Variants in CACNG3 observed in about 807,000 individuals in gnomAD.
CACNG3 encodes the protein calcium voltage-gated channel auxiliary subunit gamma 3.
In CACNG3, 3 loss-of-function variants were observed where a neutral mutation model predicts 28.5. The observed-to-expected ratio is 0.11, with a 90% CI of 0.05 to 0.27. CACNG3 has a LOEUF of 0.27. Ranked by LOEUF, CACNG3 falls within the 10% of genes least tolerant of loss-of-function variation. The pLI is 1.00. For missense variants in CACNG3, 236 were observed against 414.4 expected (o/e 0.57, Z 3.74); for synonymous variants, 174 against 162.2 (o/e 1.07, Z -0.55).
intron 1 of CACNG3, among the ~76,000 whole-genome samples, chr16:24,288,958 C>T (rs543342521): frequency 2.6e-5 from 4 of 152,234 alleles, no homozygotes; most frequent in Admixed American, 2.6e-4. Flanking sequence ...TGACTTTTTC[C>T]ATCATGCGGC....
chr16:24,270,479 G>A (rs921639525), intron 1 of CACNG3, among the ~76,000 whole-genome samples: 8 of 152,346 alleles, frequency 5.3e-5, no homozygotes, highest in African/African-American at 1.9e-4. Context: ...CAAATCAAGA[G>A]GCAATGATGT....
chr16:24,346,851 G>A (rs1470117263), intron 2 of CACNG3, 34 bp downstream of exon 2: 5 of 1,519,360 alleles, frequency 3.3e-6, no homozygotes, highest in Non-Finnish European at 4.6e-6. Context: ...CTCTCTGGGA[G>A]GAAGGGATGG....
intron 1 of CACNG3, among the ~76,000 whole-genome samples, chr16:24,293,600 C>G (rs558696080): frequency 6.6e-6 from 1 of 152,060 alleles, no homozygotes; most frequent in Non-Finnish European, 1.5e-5. Flanking sequence ...CAATAGAACC[C>G]GCCCTCATTT....
intron 1 of CACNG3, among the ~76,000 whole-genome samples, chr16:24,261,136 G>A (rs1898531913): frequency 6.6e-6 from 1 of 152,156 alleles, no homozygotes; most frequent in Admixed American, 6.5e-5. Context: ...TAAGATTAGA[G>A]TAACAAATCC....
At chr16:24,313,898 C>T (rs888302191) in intron 1 of CACNG3, among the ~76,000 whole-genome samples, 2 of 152,074 alleles carry the variant, frequency 1.3e-5, no homozygotes, top group Non-Finnish European at 2.9e-5. Flanking sequence ...GTGCGCACCA[C>T]CACACCTGGC....
At chr16:24,313,895 C>A (rs1899311447) in intron 1 of CACNG3, among the ~76,000 whole-genome samples, 1 of 151,990 alleles carries the variant, frequency 6.6e-6, no homozygotes, top group Non-Finnish European at 1.5e-5. Context: ...CAGGTGCGCA[C>A]CACCACACCT....
At position 24,256,715 on chromosome 16, in the gene CACNG3, C is replaced by T. The variant is rs1307619737; in HGVS notation, c.-40C>T. 9 of 1,391,990 alleles carry T rather than the reference C, an allele frequency of 6.5e-6. No individual in the cohort carries two copies. Among genetic ancestry groups the T allele is most frequent in the Middle Eastern group, 2.1e-4 (1 of 4,750 alleles). The allele number at this position is 1,391,990 out of a possible 1,614,324, so 86.2% of individuals were successfully genotyped here. ...ATTTTCCCCTCCGGCACTGACTCTCCCCCTCCAACCCCCAGCCGTCCAGAG... is the reference window on the plus strand; with the variant it reads ...ATTTTCCCCTCCGGCACTGACTCTCTCCCTCCAACCCCCAGCCGTCCAGAG... On this transcript the variant is annotated 5_prime_UTR_variant, in exon 1 of 4. Transcript: ENST00000005284. This position sits in a 1 kb window ranked among gnomAD's most constrained non-coding sequence, Gnocchi z 4.6.
chr16:24,296,654 C>T (rs909196777), intron 1 of CACNG3, among the ~76,000 whole-genome samples: 7 of 152,172 alleles, frequency 4.6e-5, no homozygotes, highest in African/African-American at 1.7e-4. Flanking sequence ...CCTCTTCATT[C>T]TTTGATATAC....
At chr16:24,322,737 G>A (rs753663530) in intron 1 of CACNG3, among the ~76,000 whole-genome samples, 1 of 152,066 alleles carries the variant, frequency 6.6e-6, no homozygotes, top group Non-Finnish European at 1.5e-5. Context: ...CATTCCGTGT[G>A]CATATTGAGA....
intron 1 of CACNG3, among the ~76,000 whole-genome samples, chr16:24,279,779 G>A (rs1380378531): frequency 2.0e-5 from 3 of 152,158 alleles, no homozygotes; most frequent in Non-Finnish European, 2.9e-5. Flanking sequence ...TGAGCTCAAG[G>A]CACATCTAGG....
intron 1 of CACNG3, among the ~76,000 whole-genome samples, chr16:24,309,620 G>A (rs1859201): frequency 0.68 from 103,011 of 151,886 alleles, 35,197 homozygotes; most frequent in African/African-American, 0.76. Context: ...GGGATTTGGT[G>A]GAAACAGTGC....
intron 1 of CACNG3, among the ~76,000 whole-genome samples, chr16:24,327,126 C>CAAAAAAAAAA (rs57918697): frequency 1.7e-4 from 6 of 35,830 alleles, no homozygotes; most frequent in Admixed American, 5.8e-4. Flanking sequence ...GGCTCCAAAC[C>CAAAAAAAAAA]AAAAAAAAAA....
chr16:24,354,472 G>A (rs1361499864), intron 2 of CACNG3, among the ~76,000 whole-genome samples: 1 of 152,164 alleles, frequency 6.6e-6, no homozygotes, highest in East Asian at 1.9e-4. Context: ...TTTCCAGGGA[G>A]GCAGGGAGGT....
At chr16:24,282,439 G>C (rs1898842482) in intron 1 of CACNG3, among the ~76,000 whole-genome samples, 1 of 151,518 alleles carries the variant, frequency 6.6e-6, no homozygotes, top group Non-Finnish European at 1.5e-5. Context: ...CTTACACTCG[G>C]ATAATTTGTG....
At chr16:24,335,913 A>G (rs960625028) in intron 1 of CACNG3, among the ~76,000 whole-genome samples, 5 of 117,544 alleles carry the variant, frequency 4.3e-5, no homozygotes, top group Non-Finnish European at 8.8e-5. Flanking sequence ...TGTCTCTACT[A>G]AAAATACCAA....
chr16:24,334,838 G>A (rs1899680056), intron 1 of CACNG3, among the ~76,000 whole-genome samples: 1 of 152,130 alleles, frequency 6.6e-6, no homozygotes. Flanking sequence ...GCCTGGGTTA[G>A]CGCTCTGTGA....
chr16:24,271,917 A>G (rs1022614283), intron 1 of CACNG3, among the ~76,000 whole-genome samples: 1 of 152,136 alleles, frequency 6.6e-6, no homozygotes, highest in African/African-American at 2.4e-5. Context: ...CCAAACACAC[A>G]AAAAGGCTTG....
intron 1 of CACNG3, among the ~76,000 whole-genome samples, chr16:24,327,126 CAAAAAAAAA>C (rs57918697): frequency 1.0e-3 from 36 of 35,816 alleles, no homozygotes; most frequent in Admixed American, 5.8e-4. Context: ...GGCTCCAAAC[CAAAAAAAAA>C]AAAAAAAAAA....
At chr16:24,287,512 T>A (rs76491017) in intron 1 of CACNG3, among the ~76,000 whole-genome samples, 2 of 72,188 alleles carry the variant, frequency 2.8e-5, no homozygotes, top group African/African-American at 6.2e-5. Context: ...AGCGAGACTC[T>A]CCAAAAAAAA....
Sources: gnomAD v4.1 joint callset for allele counts (sites outside exome capture counted in the v4.1 genomes callset) on GRCh38, gnomAD v4.1.1 for gene constraint, Gnocchi (gnomAD v3.1) non-coding constraint, MANE v1.5 for transcripts, NCBI Gene and HGNC (gene_info 2026-07-23, HGNC 2026-07-21) for gene names.